TBC1D9: variants seen among roughly 807,000 people sequenced by gnomAD.
The protein encoded by TBC1D9 is TBC1 domain family member 9, also known as TBC1 domain family member 9A.
In TBC1D9, 63 loss-of-function variants were observed where a neutral mutation model predicts 132.0. That is an observed-to-expected ratio of 0.48 (90% CI 0.39 to 0.59). The LOEUF (loss-of-function observed/expected upper bound fraction) is 0.59. Among genes scored for constraint, TBC1D9 ranks in the 20% least tolerant of loss-of-function variants. The pLI, the probability that TBC1D9 is intolerant of heterozygous loss-of-function variation, is 0.00. For synonymous variants in TBC1D9, 610 were observed against 609.9 expected (o/e 1.00, Z 0.00); for missense variants, 1,261 against 1,592.7 (o/e 0.79, Z 3.54).
intron 2 of TBC1D9, among the ~76,000 whole-genome samples, chr4:140,698,872 CAGG>C (rs552013710): frequency 2.0e-5 from 3 of 152,188 alleles, no homozygotes; most frequent in Non-Finnish European, 4.4e-5. Context: ...TCTAATTCTG[CAGG>C]AGGCTAGCCT....
Position 140,634,017 on chromosome 4 carries a change from G to C in TBC1D9, c.2677C>G (p.Arg893Gly). 1 of 1,613,908 alleles carries C rather than the reference G, an allele frequency of 6.2e-7. No homozygotes were observed. Among genetic ancestry groups the C allele is most frequent in the South Asian group, 1.1e-5 (1 of 91,066 alleles). ...TTTTCATCTAATAACTGGAACAAGC[G>C]GGAGGCCAGAACGTCAGAGTGAGTT... ...CGTHSDVLAS[R>G]LFQLLDENGD... Residue 893 changes from arginine (R) to glycine (G), a missense_variant, in exon 16 of 21, where the codon CGC (arginine) becomes GGC (glycine). Arg to Gly is a moderately radical substitution (Grantham distance 125). Transcript: ENST00000442267.
In TBC1D9 at chr4:140,657,119, C is replaced by T. The variant is rs957752199; in HGVS notation, c.2315G>A (p.Arg772Lys). 1 of 1,613,916 alleles carries T rather than the reference C, an allele frequency of 6.2e-7. No homozygotes were observed. The change falls in exon 13 of 21, where the codon AGA becomes AAA. Residue 772 changes from arginine (R) to lysine (K), a missense_variant. Transcript: ENST00000442267. ...TACCTCGTAGGAAGTTCTGATGAGT[C>T]TAAAGATGTCTACCTCAGGGTAAGG... Reference protein sequence around the residue: ...VEPYPEVDIFRLIRTSYEKFG... With the variant: ...VEPYPEVDIFKLIRTSYEKFG...
chr4:140,679,483 T>G (rs1737673391), intron 4 of TBC1D9, 132 bp downstream of exon 4: 1 of 709,710 alleles, frequency 1.4e-6, no homozygotes, highest in South Asian at 2.0e-5. Flanking sequence ...TTCACTTCAG[T>G]AGTAAAAAAA....
intron 9 of TBC1D9, among the ~76,000 whole-genome samples, chr4:140,668,050 T>A (rs914067173): frequency 5.3e-5 from 8 of 152,230 alleles, no homozygotes; most frequent in African/African-American, 1.9e-4. Context: ...CTATTTAGAA[T>A]GATAATATTT....
intron 9 of TBC1D9, among the ~76,000 whole-genome samples, chr4:140,667,058 C>T (rs778847030): frequency 3.9e-5 from 6 of 152,172 alleles, no homozygotes; most frequent in Admixed American, 6.5e-5. Context: ...TTCATTTCAG[C>T]GGGTACAGAG....
chr4:140,679,949 G>T, intron 3 of TBC1D9, 106 bp from the exon 4 acceptor site: 1 of 874,386 alleles, frequency 1.1e-6, no homozygotes, highest in Non-Finnish European at 1.7e-6. Flanking sequence ...AAAAAAAATT[G>T]AGGAATGCCC....
At chr4:140,647,474 T>C (rs1737120263) in intron 13 of TBC1D9, among the ~76,000 whole-genome samples, 1 of 152,244 alleles carries the variant, frequency 6.6e-6, no homozygotes, top group Non-Finnish European at 1.5e-5. Context: ...TAATTACCTA[T>C]GTGAGTGGGC....
intron 1 of TBC1D9, among the ~76,000 whole-genome samples, chr4:140,724,935 A>G (rs1413315804): frequency 2.6e-5 from 4 of 152,224 alleles, no homozygotes; most frequent in Admixed American, 6.5e-5. Flanking sequence ...CTGGGAAAAC[A>G]GACATTCCTC....
At chr4:140,669,212 G>T in intron 8 of TBC1D9, 145 bp from the exon 9 acceptor site, 1 of 809,700 alleles carries the variant, frequency 1.2e-6, no homozygotes, top group Non-Finnish European at 1.9e-6. Flanking sequence ...CAGATTTTCT[G>T]GAGTTCTTCT....
intron 1 of TBC1D9, among the ~76,000 whole-genome samples, chr4:140,736,043 G>T (rs1192879662): frequency 6.6e-6 from 1 of 152,162 alleles, no homozygotes; most frequent in African/African-American, 2.4e-5. Context: ...AGATTATCAG[G>T]CTTCTGAAAA....
At chr4:140,656,316 G>C (rs973971517) in intron 13 of TBC1D9, among the ~76,000 whole-genome samples, 1 of 152,166 alleles carries the variant, frequency 6.6e-6, no homozygotes, top group Non-Finnish European at 1.5e-5. Context: ...CCTAATTAGG[G>C]AAAAGGAGTC....
At chr4:140,642,221 C>A (rs1737012178) in intron 13 of TBC1D9, 3 of 733,296 alleles carry the variant, frequency 4.1e-6, no homozygotes, top group African/African-American at 1.7e-5. Context: ...CACTCTCCTT[C>A]AGGAATTCTT....
At chr4:140,694,796 T>TA (rs5862495) in intron 2 of TBC1D9, among the ~76,000 whole-genome samples, 73,306 of 150,166 alleles carry the variant, frequency 0.49, 20,297 homozygotes, top group African/African-American at 0.76. Context: ...TTTTAAAGTC[T>TA]GAAAGTGATG....
intron 1 of TBC1D9, among the ~76,000 whole-genome samples, chr4:140,719,550 A>G (rs1738391532): frequency 6.6e-6 from 1 of 152,172 alleles, no homozygotes; most frequent in Admixed American, 6.5e-5. Context: ...GAAGAGGTAA[A>G]GGAAAAATAT....
intron 13 of TBC1D9, among the ~76,000 whole-genome samples, chr4:140,653,253 A>T (rs1001665628): frequency 2.6e-5 from 4 of 152,220 alleles, no homozygotes; most frequent in African/African-American, 7.2e-5. Flanking sequence ...ACTAAATTTC[A>T]AAAGATGAAT....
chr4:140,743,547 G>A (rs961890743), intron 1 of TBC1D9, among the ~76,000 whole-genome samples: 3 of 152,162 alleles, frequency 2.0e-5, no homozygotes, highest in Non-Finnish European at 4.4e-5. Context: ...AGTGAGGGAG[G>A]CAGAGAACAC....
At chr4:140,729,818 CAAAAAAAAAA>C (rs35283552) in intron 1 of TBC1D9, among the ~76,000 whole-genome samples, 35 of 51,916 alleles carry the variant, frequency 6.7e-4, no homozygotes, top group African/African-American at 1.4e-3. Context: ...GATTCCATCT[CAAAAAAAAAA>C]AAAAAAAAAA....
At chr4:140,657,305 A>C (rs1373551705) in intron 12 of TBC1D9, 79 bp from the exon 13 acceptor site, 1 of 1,528,212 alleles carries the variant, frequency 6.5e-7, no homozygotes, top group African/African-American at 1.4e-5. Context: ...ATTTTCTGCA[A>C]GTTCTACATT....
Position 140,706,098 on chromosome 4 carries a change from C to T in TBC1D9, c.131-4484G>A, listed in dbSNP as rs1738146113. Among the ~76,000 whole-genome samples the T allele has an allele frequency of 6.6e-6, 1 of 152,200 alleles. No individual in the cohort carries two copies. Among genetic ancestry groups the T allele is most frequent in the African/African-American group, 2.4e-5 (1 of 41,456 alleles). Reference sequence around the variant, plus strand: ...CTGGGAGCTGGTACAGGTGGCAGGTCCACAGTGCTGCAGAGAAACCCCCGT... The same window carrying T: ...CTGGGAGCTGGTACAGGTGGCAGGTTCACAGTGCTGCAGAGAAACCCCCGT... On this transcript the variant is annotated intron_variant, in intron 1 of 20. Coordinates refer to ENST00000442267, the MANE Select transcript of TBC1D9 (RefSeq NM_015130.3). This position sits in a 1 kb window ranked among gnomAD's most constrained non-coding sequence, Gnocchi z 4.0.
Sources: gnomAD v4.1 joint callset for allele counts (sites outside exome capture counted in the v4.1 genomes callset) on GRCh38, gnomAD v4.1.1 for gene constraint, Gnocchi (gnomAD v3.1) non-coding constraint, MANE v1.5 for transcripts, NCBI Gene and HGNC (gene_info 2026-07-23, HGNC 2026-07-21) for gene names.